DYNC2H1: variants seen among roughly 807,000 people sequenced by gnomAD.
DYNC2H1 encodes the protein cytoplasmic dynein 2 heavy chain 1.
Under a neutral mutation model 570.0 loss-of-function variants are expected in DYNC2H1, and 410 were observed. That is an observed-to-expected ratio of 0.72 (90% CI 0.66 to 0.78). The LOEUF (loss-of-function observed/expected upper bound fraction) is 0.78. Ranked by LOEUF, DYNC2H1 falls within the 30% of genes least tolerant of loss-of-function variation. The pLI is 0.00. For missense variants in DYNC2H1, 4,865 were observed against 5,046.4 expected (o/e 0.96, Z 1.09); for synonymous variants, 1,688 against 1,677.6 (o/e 1.01, Z -0.15).
chr11:103,253,545 G>C, intron 66 of DYNC2H1, 97 bp downstream of exon 66: 2 of 1,171,312 alleles, frequency 1.7e-6, no homozygotes, highest in African/African-American at 3.1e-5. Context: ...AGACTAATTA[G>C]TATTTACATT....
At chr11:103,327,671 G>C (rs1463684802) in intron 82 of DYNC2H1, among the ~76,000 whole-genome samples, 1 of 152,118 alleles carries the variant, frequency 6.6e-6, no homozygotes, top group African/African-American at 2.4e-5. Context: ...AGATACAGGA[G>C]AAGAAATACA....
chr11:103,345,876 G>C (rs1939717555), intron 82 of DYNC2H1, among the ~76,000 whole-genome samples: 1 of 152,166 alleles, frequency 6.6e-6, no homozygotes, highest in Admixed American at 6.5e-5. Flanking sequence ...TAGCAGGTTT[G>C]GGGAGGCAAT....
In DYNC2H1 at chr11:103,321,100, A is replaced by G. The variant is rs1398795135; in HGVS notation, c.11797A>G (p.Asn3933Asp). ...TGCTATTTATGGAGGACGTATAGAC[A>G]ACTATTTTGACCTTAGAGTTCTTCA... The part of the protein sequence containing the change: ...ENAIYGGRID[N>D]YFDLRVLQSY... The change falls in exon 81 of 89, where the codon AAC (asparagine) becomes GAC (aspartate). Residue 3933 changes from asparagine to aspartate, a missense_variant. Asn to Asp is a conservative substitution (Grantham distance 23, BLOSUM62 1). Around this residue, in one of 5 missense-constraint regions of DYNC2H1, gnomAD observed 2,401 missense variants for 2,454.6 expected, o/e 0.98. Coordinates refer to ENST00000375735, the MANE Select transcript of DYNC2H1 (RefSeq NM_001377.3). The G allele has an allele frequency of 6.2e-7, 1 of 1,612,744 alleles. No homozygotes were observed. Among genetic ancestry groups the G allele is most frequent in the Non-Finnish European group, 8.5e-7 (1 of 1,179,400 alleles).
At chr11:103,287,170 A>G (rs1461789780) in intron 74 of DYNC2H1, among the ~76,000 whole-genome samples, 1 of 151,972 alleles carries the variant, frequency 6.6e-6, no homozygotes, top group Non-Finnish European at 1.5e-5. Flanking sequence ...AAAAATAGTG[A>G]TTTGAAAATT....
At chr11:103,471,206 C>T (rs1945375751) in intron 88 of DYNC2H1, among the ~76,000 whole-genome samples, 1 of 152,172 alleles carries the variant, frequency 6.6e-6, no homozygotes. Flanking sequence ...TGGGCTTTTA[C>T]ACTTGTACAT....
intron 83 of DYNC2H1, among the ~76,000 whole-genome samples, chr11:103,398,057 A>G (rs1436676771): frequency 2.0e-5 from 3 of 152,212 alleles, no homozygotes; most frequent in African/African-American, 7.2e-5. Context: ...TCCACAAAAT[A>G]TACTTTGAAA....
rs1430255414 is a variant in DYNC2H1, at chr11:103,154,568, A to G, written c.3420A>G (p.Gly1140=). 1 of 1,603,030 alleles carries G rather than the reference A, an allele frequency of 6.2e-7. No individual in the cohort carries two copies. The highest frequency in any genetic ancestry group is 8.5e-7 in the Non-Finnish European group (1 of 1,174,750). ...IWAFYEEFQQ[G]FQEMANEDWI... ...CCTTTTATGAAGAGTTTCAACAAGG[A>G]TTTCAGGAAATGGCCAATGAAGACT... Residue 1140 remains glycine (G), a synonymous_variant, in exon 23 of 89, where the codon GGA becomes GGG. Transcript: ENST00000375735.
At chr11:103,118,829 G>A (rs1290915975) in intron 6 of DYNC2H1, among the ~76,000 whole-genome samples, 1 of 152,138 alleles carries the variant, frequency 6.6e-6, no homozygotes, top group Non-Finnish European at 1.5e-5. Context: ...GACGTATGTG[G>A]TATTAGGTTT....
intron 82 of DYNC2H1, among the ~76,000 whole-genome samples, chr11:103,343,153 C>T (rs971204507): frequency 3.3e-5 from 5 of 152,084 alleles, no homozygotes; most frequent in African/African-American, 9.7e-5. Context: ...CGGGCTGAGC[C>T]GAGGGTTGAC....
At chr11:103,449,771 G>A (rs507468) in intron 85 of DYNC2H1, among the ~76,000 whole-genome samples, 43,236 of 151,830 alleles carry the variant, frequency 0.28, 7,134 homozygotes, top group African/African-American at 0.45. Flanking sequence ...ATTTTGCTCA[G>A]CCTAAAACAC....
chr11:103,323,309 T>C (rs910765701), intron 81 of DYNC2H1, among the ~76,000 whole-genome samples: 2 of 152,180 alleles, frequency 1.3e-5, no homozygotes, highest in African/African-American at 4.8e-5. Context: ...ATTCTTAGGA[T>C]GAAATGATAG....
chr11:103,443,829 A>G (rs1308617470), intron 85 of DYNC2H1, among the ~76,000 whole-genome samples: 1 of 151,526 alleles, frequency 6.6e-6, no homozygotes, highest in African/African-American at 2.4e-5. Flanking sequence ...ATTGAAGATG[A>G]TTTATATTGG....
At chr11:103,343,025 G>A (rs1009044014) in intron 82 of DYNC2H1, among the ~76,000 whole-genome samples, 2 of 152,126 alleles carry the variant, frequency 1.3e-5, no homozygotes, top group African/African-American at 2.4e-5. Flanking sequence ...TGACTAGCAC[G>A]GCCACTGGAC....
At chr11:103,247,455 G>A (rs1239410223) in intron 65 of DYNC2H1, among the ~76,000 whole-genome samples, 1 of 152,048 alleles carries the variant, frequency 6.6e-6, no homozygotes, top group Non-Finnish European at 1.5e-5. Context: ...GCTTCTGGGT[G>A]ACCCAATGGC....
chr11:103,327,464 G>T (rs1381696074), intron 82 of DYNC2H1, among the ~76,000 whole-genome samples: 2 of 152,014 alleles, frequency 1.3e-5, no homozygotes, highest in Non-Finnish European at 2.9e-5. Flanking sequence ...TCCAAAAAAG[G>T]ATTTGCTTTG....
intron 84 of DYNC2H1, among the ~76,000 whole-genome samples, chr11:103,423,878 G>T (rs186498588): frequency 5.8e-4 from 88 of 152,152 alleles, no homozygotes; most frequent in African/African-American, 2.1e-3. Context: ...AAGATCAGTT[G>T]TATTTCTGTA....
chr11:103,233,603 G>A (rs777228549), intron 60 of DYNC2H1, among the ~76,000 whole-genome samples: 1 of 151,858 alleles, frequency 6.6e-6, no homozygotes, highest in Non-Finnish European at 1.5e-5. Context: ...GGAACATTCT[G>A]AAGAACACTG....
At chr11:103,234,485 T>G (rs1204695220) in intron 61 of DYNC2H1, among the ~76,000 whole-genome samples, 3 of 152,030 alleles carry the variant, frequency 2.0e-5, no homozygotes, top group Admixed American at 2.0e-4. Flanking sequence ...ATTTTAGGAT[T>G]TGACACTGTT....
At chr11:103,255,823 C>T (rs1865034328) in intron 67 of DYNC2H1, among the ~76,000 whole-genome samples, 1 of 151,920 alleles carries the variant, frequency 6.6e-6, no homozygotes, top group Non-Finnish European at 1.5e-5. Flanking sequence ...TTATAACAAT[C>T]TGTAACTTTA....
Sources: gnomAD v4.1 joint callset for allele counts (sites outside exome capture counted in the v4.1 genomes callset) on GRCh38, gnomAD v4.1.1 for gene constraint, gnomAD v4.1.1 regional missense constraint, MANE v1.5 for transcripts, NCBI Gene and HGNC (gene_info 2026-07-23, HGNC 2026-07-21) for gene names.